The following CFAP221 variants were observed in gnomAD, a reference collection of about 807,000 sequenced individuals.
CFAP221 encodes the protein cilia- and flagella-associated protein 221.
A neutral mutation model predicts 113.1 loss-of-function variants in CFAP221; 97 were observed. The ratio of observed to expected loss-of-function variants is 0.86; its 90% confidence interval spans 0.73 to 1.02. The LOEUF is 1.02. Ranked by LOEUF, CFAP221 falls within the 50% of genes least tolerant of loss-of-function variation. CFAP221 has a pLI of 0.00. For synonymous variants in CFAP221, 331 were observed against 354.4 expected, an observed-to-expected ratio of 0.93 and a Z score of 0.74; for missense variants, 1,025 against 1,013.4, an observed-to-expected ratio of 1.01 and a Z score of -0.16.
intron 7 of CFAP221, 106 bp downstream of exon 7, chr2:119,587,328 A>T (rs1683292729): frequency 3.0e-6 from 2 of 675,730 alleles, no homozygotes; most frequent in East Asian, 3.2e-5. Context: ...AACTGACCTG[A>T]TGTAAAATGG....
chr2:119,629,275 T>C (rs1409472144), intron 16 of CFAP221, among the ~76,000 whole-genome samples: 2 of 151,978 alleles, frequency 1.3e-5, no homozygotes, highest in East Asian at 3.9e-4. Context: ...ATGCAGGAAG[T>C]GTATTAGGCA....
chr2:119,645,917 T>C (rs1247742083), intron 21 of CFAP221, among the ~76,000 whole-genome samples: 1 of 152,234 alleles, frequency 6.6e-6, no homozygotes, highest in African/African-American at 2.4e-5. Flanking sequence ...TTCTCTTTGC[T>C]GTTGTGTGTT....
chr2:119,643,764 C>T (rs921563457), intron 21 of CFAP221, among the ~76,000 whole-genome samples: 135 of 152,042 alleles, frequency 8.9e-4, no homozygotes, highest in African/African-American at 3.1e-3. Context: ...AGGTTGGTCT[C>T]GAACTCCTGA....
In CFAP221 at chr2:119,560,017, T is replaced by C. The variant is rs750672491; in HGVS notation, c.417T>C (p.Val139=). 6.6e-7 allele frequency: 1 copy of C among 1,523,962 alleles called. No homozygotes were observed. 94.4% of individuals were successfully genotyped at this position (1,523,962 alleles called of 1,614,324 possible). A position where few individuals can be genotyped will look rare whatever the true frequency, so the allele number is the denominator to read the frequency against. ...EWRYYYDCIR[V]HCKGDDTLLV... ...GATACTATTATGACTGCATCCGTGT[T>C]CACTGTAAGGTAGGTCTCTTAAAAT... Residue 139 remains valine, a synonymous_variant, in exon 5 of 24, where the codon GTT becomes GTC. Coordinates refer to ENST00000413369, the MANE Select transcript of CFAP221 (RefSeq NM_001271049.2).
At chr2:119,547,979 T>C (rs1176911999) in intron 2 of CFAP221, among the ~76,000 whole-genome samples, 1 of 152,148 alleles carries the variant, frequency 6.6e-6, no homozygotes, top group East Asian at 1.9e-4. Flanking sequence ...GTTTTTTGTT[T>C]TTTTGAGACG....
intron 7 of CFAP221, 44 bp from the exon 8 acceptor site, chr2:119,601,174 G>A (rs1368849931): frequency 1.4e-6 from 2 of 1,456,656 alleles, no homozygotes; most frequent in East Asian, 5.1e-5. Flanking sequence ...ACTGGACTTG[G>A]CAAGAAGAGA....
chr2:119,658,681 T>A (rs1688528503), downstream of CFAP221, among the ~76,000 whole-genome samples: 1 of 151,864 alleles, frequency 6.6e-6, no homozygotes, highest in Non-Finnish European at 1.5e-5. Context: ...TGTATATATA[T>A]CAAAAAACAT....
intron 11 of CFAP221, among the ~76,000 whole-genome samples, chr2:119,606,724 A>G (rs779405472): frequency 3.9e-5 from 6 of 152,154 alleles, no homozygotes; most frequent in East Asian, 3.8e-4. Context: ...TGTTCTTTCT[A>G]TGCATCTCTG....
chr2:119,643,964 A>G (rs1477960428), intron 21 of CFAP221, among the ~76,000 whole-genome samples: 1 of 151,874 alleles, frequency 6.6e-6, no homozygotes, highest in Non-Finnish European at 1.5e-5. Flanking sequence ...ACCAGCCTGG[A>G]CAACATGGTG....
At chr2:119,584,586 C>CAA (rs901070546) in intron 6 of CFAP221, among the ~76,000 whole-genome samples, 2 of 127,188 alleles carry the variant, frequency 1.6e-5, no homozygotes, top group East Asian at 2.3e-4. Context: ...GACTGTGTCT[C>CAA]AAAAAAAAAA....
At chr2:119,587,794 T>G (rs570923068) in intron 7 of CFAP221, among the ~76,000 whole-genome samples, 115 of 152,338 alleles carry the variant, frequency 7.5e-4, no homozygotes, top group African/African-American at 2.5e-3. Context: ...ATTGTTAAAT[T>G]TAAACAATTT....
intron 21 of CFAP221, among the ~76,000 whole-genome samples, chr2:119,646,457 AC>A (rs1687813146): frequency 6.6e-6 from 1 of 152,130 alleles, no homozygotes; most frequent in South Asian, 2.1e-4. Flanking sequence ...AGGAGGTGCC[AC>A]ACACTTTTAA....
chr2:119,605,128 C>A, intron 10 of CFAP221, 53 bp from the exon 11 acceptor site: 1 of 1,525,938 alleles, frequency 6.6e-7, no homozygotes, highest in Non-Finnish European at 9.1e-7. Context: ...TTTCTCTCCG[C>A]ACATGATTTT....
intron 14 of CFAP221, among the ~76,000 whole-genome samples, chr2:119,624,169 A>T (rs1686129426): frequency 6.6e-6 from 1 of 152,226 alleles, no homozygotes; most frequent in Non-Finnish European, 1.5e-5. Context: ...AAACAAATTT[A>T]TAAGAACAAA....
At position 119,656,414 on chromosome 2, in the gene CFAP221, G is replaced by C. The variant is rs570868554; in HGVS notation, c.2467G>C (p.Glu823Gln). The change falls in exon 24 of 24, where the codon GAG becomes CAG. Residue 823 changes from glutamate to glutamine, a missense_variant. Coordinates refer to ENST00000413369, the MANE Select transcript of CFAP221 (RefSeq NM_001271049.2). ...PAEKAGEKLL[E>Q]EMRNLRGKAL... ...AGAGAAGGCCGGAGAGAAGCTGCTC[G>C]AGGAGATGAGGAACCTGCGGGGCAA... 206 of 1,614,030 alleles carry C rather than the reference G, an allele frequency of 1.3e-4. 1 individual carries two copies. In the South Asian group the frequency reaches 2.0e-3, roughly 16 times the overall value.
chr2:119,657,642 G>A (rs755504717), downstream of CFAP221, among the ~76,000 whole-genome samples: 11 of 152,072 alleles, frequency 7.2e-5, no homozygotes, highest in South Asian at 6.2e-4. Context: ...AATTACAATC[G>A]GTACAGCTTT....
intron 22 of CFAP221, 29 bp downstream of exon 22, chr2:119,647,079 T>G: frequency 6.4e-7 from 1 of 1,565,082 alleles, no homozygotes; most frequent in Non-Finnish European, 8.7e-7. Context: ...ATCTTTGGCC[T>G]CTAATGTGGT....
At position 119,656,301 on chromosome 2, in the gene CFAP221, GTGATTTGC is replaced by G. The variant is rs2104827778; in HGVS notation, c.2415-60_2415-53del. The G allele has an allele frequency of 3.7e-6, 5 of 1,343,064 alleles. No homozygotes were observed. The East Asian group carries it at 1.2e-4, about 31-fold the overall frequency. The allele number at this position is 1,343,064 out of a possible 1,614,324, so 83.2% of individuals were successfully genotyped here. A position where few individuals can be genotyped will look rare whatever the true frequency, so the allele number is the denominator to read the frequency against. The stretch of plus-strand genomic sequence containing the variant: ...CCTTCACCAGCACTGCTGGCGGGGG[GTGATTTGC>G]GTGGTTTTATTAAGTGTCCTCATGT... On this transcript the variant is annotated intron_variant, in intron 23 of 23. Transcript: ENST00000413369.
chr2:119,655,592 C>T (rs115536720), intron 23 of CFAP221, among the ~76,000 whole-genome samples: 4,213 of 152,294 alleles, frequency 0.028, 73 homozygotes, highest in Non-Finnish European at 0.041. Context: ...AGTTCACAGT[C>T]TTTGAACAAG....
Sources: allele counts gnomAD v4.1 joint callset (sites outside exome capture counted in the v4.1 genomes callset), GRCh38; gene constraint gnomAD v4.1.1; transcripts MANE v1.5; gene names NCBI Gene and HGNC (gene_info 2026-07-23, HGNC 2026-07-21).